Variants in MYRIP observed in about 807,000 individuals in gnomAD.
The protein encoded by MYRIP is rab effector MyRIP.
A neutral mutation model predicts 98.0 loss-of-function variants in MYRIP; 49 were observed. That is an observed-to-expected ratio of 0.50 (90% CI 0.40 to 0.63). MYRIP has a LOEUF of 0.63. MYRIP is among the 30% of genes least tolerant of loss of function. The pLI is 0.00. For synonymous variants in MYRIP, 404 were observed against 409.5 expected, an observed-to-expected ratio of 0.99 and a Z score of 0.16; for missense variants, 1,004 against 1,058.2, an observed-to-expected ratio of 0.95 and a Z score of 0.71.
At chr3:39,990,261 C>CCACCA (rs1472653297) in intron 2 of MYRIP, among the ~76,000 whole-genome samples, 4 of 152,138 alleles carry the variant, frequency 2.6e-5, no homozygotes, top group Non-Finnish European at 5.9e-5. Context: ...CCCTGTGTAG[C>CCACCA]CACCACACCA....
intron 3 of MYRIP, among the ~76,000 whole-genome samples, chr3:40,068,952 T>C (rs923294010): frequency 6.6e-6 from 1 of 152,180 alleles, no homozygotes; most frequent in African/African-American, 2.4e-5. Context: ...CGTCACCAGC[T>C]ACAAAACCCA....
At chr3:40,182,865 G>C (rs1456684725) in intron 9 of MYRIP, among the ~76,000 whole-genome samples, 2 of 152,174 alleles carry the variant, frequency 1.3e-5, no homozygotes, top group Non-Finnish European at 2.9e-5. Flanking sequence ...GGATAAATTA[G>C]TTAGGGTAGC....
At chr3:39,992,088 C>CT (rs1190041230) in intron 2 of MYRIP, among the ~76,000 whole-genome samples, 1 of 152,148 alleles carries the variant, frequency 6.6e-6, no homozygotes, top group African/African-American at 2.4e-5. Flanking sequence ...CAGACCACTG[C>CT]TGCCTTAACA....
At chr3:39,980,461 G>GCA (rs1319093290) in intron 2 of MYRIP, among the ~76,000 whole-genome samples, 2 of 152,196 alleles carry the variant, frequency 1.3e-5, no homozygotes, top group Non-Finnish European at 2.9e-5. Context: ...TCTGGGTGTG[G>GCA]CACCATCAGC....
At chr3:39,939,209 C>T (rs2125707406) in intron 2 of MYRIP, among the ~76,000 whole-genome samples, 1 of 152,280 alleles carries the variant, frequency 6.6e-6, no homozygotes, top group East Asian at 1.9e-4. Context: ...AAACTCAGCT[C>T]ACTTTTGGTT....
chr3:39,821,790 T>C (rs1015758154), intron 1 of MYRIP, among the ~76,000 whole-genome samples: 6 of 152,176 alleles, frequency 3.9e-5, no homozygotes, highest in African/African-American at 1.4e-4. Flanking sequence ...CCAGAGAATA[T>C]GGTCTACATG....
intron 2 of MYRIP, among the ~76,000 whole-genome samples, chr3:39,978,148 G>T (rs1241502951): frequency 6.6e-6 from 1 of 152,160 alleles, no homozygotes; most frequent in Non-Finnish European, 1.5e-5. Flanking sequence ...ACTGATGAGG[G>T]CTAGTCTTAA....
intron 3 of MYRIP, among the ~76,000 whole-genome samples, chr3:40,127,594 G>A (rs2679825): frequency 0.97 from 147,165 of 152,352 alleles, 71,263 homozygotes; most frequent in Middle Eastern, 1. Context: ...AGTTAACATC[G>A]GTATTAGGTG....
At chr3:40,113,782 C>T (rs1365439918) in intron 3 of MYRIP, among the ~76,000 whole-genome samples, 4 of 151,998 alleles carry the variant, frequency 2.6e-5, no homozygotes, top group African/African-American at 7.2e-5. Flanking sequence ...CTCCACCTCC[C>T]GGGTTCACGC....
intron 10 of MYRIP, among the ~76,000 whole-genome samples, chr3:40,193,389 A>G (rs1468126086): frequency 1.3e-5 from 2 of 152,216 alleles, no homozygotes. Flanking sequence ...AGTGGCTTCC[A>G]ACACCTAACT....
In MYRIP at chr3:40,162,736, G is replaced by T. The variant is rs769565434; in HGVS notation, c.476G>T (p.Ser159Ile). Reference sequence around the variant, plus strand: ...CCCACCCCTACCCTGCCAGGAGGAAGCCTTTTTGAGTCAAACCTGGAGAAT... The same window carrying T: ...CCCACCCCTACCCTGCCAGGAGGAATCCTTTTTGAGTCAAACCTGGAGAAT... ...SGACFDILGG[S>I]LFESNLENEG... Residue 159 changes from serine to isoleucine, a missense_variant, in exon 5 of 17, where the codon AGC becomes ATC. Ser to Ile is a moderately radical substitution (Grantham distance 142). Around this residue, in one of 3 missense-constraint regions of MYRIP, gnomAD observed 880 missense variants for 907.7 expected, o/e 0.97. Transcript: ENST00000302541. 1 of 1,614,038 alleles carries T rather than the reference G, an allele frequency of 6.2e-7. No individual in the cohort carries two copies. The highest frequency in any genetic ancestry group is 1.1e-5 in the South Asian group (1 of 91,058).
chr3:39,942,467 A>G (rs1016000708), intron 2 of MYRIP, among the ~76,000 whole-genome samples: 4 of 152,132 alleles, frequency 2.6e-5, no homozygotes, highest in African/African-American at 9.7e-5. Context: ...CTTCTATTTT[A>G]GGTATGTTAA....
intron 3 of MYRIP, among the ~76,000 whole-genome samples, chr3:40,093,637 C>T (rs554592801): frequency 1.3e-5 from 2 of 152,358 alleles, no homozygotes; most frequent in Admixed American, 1.3e-4. Context: ...CTCCTGCTCT[C>T]ACACTGGGAT....
At chr3:39,998,733 CA>C (rs1401847302) in intron 2 of MYRIP, among the ~76,000 whole-genome samples, 1 of 152,094 alleles carries the variant, frequency 6.6e-6, no homozygotes, top group African/African-American at 2.4e-5. Context: ...AATCCTAAGC[CA>C]AAAGAACAAA....
In MYRIP at chr3:40,131,907, A is replaced by T. The variant is rs1210183004; in HGVS notation, c.333-19141A>T. 1.3e-4 allele frequency among the ~76,000 whole-genome samples: 20 copies of T among 152,008 alleles called. No homozygotes were observed. In the East Asian group the frequency reaches 3.9e-3, roughly 29 times the overall value. ...TTTTTTTCAATGAGAGCTTCTCTTC[A>T]TCTTCTTCTACCTTGTGAGAAGGGC... On this transcript the variant is annotated intron_variant, in intron 3 of 16. Transcript: ENST00000302541.
At chr3:40,257,313 C>A (rs1156233784) in intron 16 of MYRIP, among the ~76,000 whole-genome samples, 1 of 152,150 alleles carries the variant, frequency 6.6e-6, no homozygotes, top group Non-Finnish European at 1.5e-5. Flanking sequence ...CAGAGTGAGA[C>A]CCTGTCTCTA....
rs1953699338 is a variant in MYRIP, at chr3:40,259,335, ATGT to A, written c.*1171_*1173del. The A allele has an allele frequency of 6.6e-6, 1 of 152,144 alleles. No homozygotes were observed. The highest frequency in any genetic ancestry group is 1.5e-5 in the Non-Finnish European group (1 of 68,020). The allele number at this position is 152,144 out of a possible 1,614,324, so 9.4% of individuals were successfully genotyped here. ...AATTGGGCATTAACAACCTTCTTTT[ATGT>A]TTGTTCCTGATATAGTCTGAATCTT... On this transcript the variant is annotated 3_prime_UTR_variant, in exon 17 of 17. Coordinates refer to ENST00000302541, the MANE Select transcript of MYRIP (RefSeq NM_015460.4).
rs1953326865 is a variant in MYRIP at position 40,250,127 on chromosome 3, A to G, written c.2263-95A>G. 9 of 995,366 alleles carry G rather than the reference A, an allele frequency of 9.0e-6. No homozygotes were observed. In the South Asian group the frequency reaches 1.3e-4, roughly 15 times the overall value. 61.7% of individuals were successfully genotyped at this position (995,366 alleles called of 1,614,324 possible). A position where few individuals can be genotyped will look rare whatever the true frequency, so the allele number is the denominator to read the frequency against. The stretch of plus-strand genomic sequence containing the variant: ...GAATGAATGAATGAGCATACATCAA[A>G]GCAGATTTGTCTTTATAAATTCTTA... On this transcript the variant is annotated intron_variant, in intron 13 of 16. Coordinates refer to ENST00000302541, the MANE Select transcript of MYRIP (RefSeq NM_015460.4).
At chr3:39,882,280 T>C (rs1943173665) in intron 1 of MYRIP, among the ~76,000 whole-genome samples, 1 of 152,058 alleles carries the variant, frequency 6.6e-6, no homozygotes, top group African/African-American at 2.4e-5. Flanking sequence ...GTTTAGATGC[T>C]CAGAGCAGAT....
Sources: allele counts gnomAD v4.1 joint callset (sites outside exome capture counted in the v4.1 genomes callset), GRCh38; gene constraint gnomAD v4.1.1; regional missense constraint gnomAD v4.1.1; transcripts MANE v1.5; gene names NCBI Gene and HGNC (gene_info 2026-07-23, HGNC 2026-07-21).